Variants in ATP2C2 observed in about 807,000 individuals in gnomAD.
The protein encoded by ATP2C2 is calcium-transporting ATPase type 2C member 2.
In ATP2C2, 171 loss-of-function variants were observed where a neutral mutation model predicts 110.8. That is an observed-to-expected ratio of 1.54 (90% CI 1.36 to 1.75). The LOEUF (loss-of-function observed/expected upper bound fraction) is 1.75. Among genes scored for constraint, ATP2C2 ranks in the 40% most tolerant of loss-of-function variants. The pLI is 0.00. For missense variants in ATP2C2, 1,963 were observed against 1,235.0 expected, an observed-to-expected ratio of 1.59 and a Z score of -8.84; for synonymous variants, 804 against 508.4, an observed-to-expected ratio of 1.58 and a Z score of -7.82.
At chr16:84,389,565 C>T (rs1412409929) in intron 1 of ATP2C2, among the ~76,000 whole-genome samples, 1 of 152,178 alleles carries the variant, frequency 6.6e-6, no homozygotes, top group East Asian at 1.9e-4. Flanking sequence ...TCTGTATTTT[C>T]GTTTCTTAAA....
At chr16:84,399,804 A>G (rs892205659) in intron 2 of ATP2C2, among the ~76,000 whole-genome samples, 2 of 152,172 alleles carry the variant, frequency 1.3e-5, no homozygotes, top group African/African-American at 2.4e-5. Flanking sequence ...AAAATGTACA[A>G]TTAAATTATT....
intron 1 of ATP2C2, among the ~76,000 whole-genome samples, chr16:84,380,476 T>A (rs1215757075): frequency 6.6e-6 from 1 of 152,204 alleles, no homozygotes; most frequent in Non-Finnish European, 1.5e-5. Context: ...ACTTTATGGA[T>A]CCTATTTTCC....
At chr16:84,420,422 C>T (rs916257195) in intron 7 of ATP2C2, among the ~76,000 whole-genome samples, 11 of 151,796 alleles carry the variant, frequency 7.2e-5, no homozygotes, top group Admixed American at 1.3e-4. Flanking sequence ...TCCTTCTCTT[C>T]GTAGTTTTCT....
chr16:84,452,284 G>C lies in ATP2C2; in HGVS notation c.1831+193G>C, dbSNP rs1444774440. On this transcript the variant is annotated intron_variant, in intron 18 of 26. Coordinates refer to ENST00000262429, the MANE Select transcript of ATP2C2 (RefSeq NM_014861.4). The stretch of plus-strand genomic sequence containing the variant: ...GAGGTGTTCTCGTTTCTGAAATGTT[G>C]GCAGGTTCTGCAAAAGGGAAGTTCT... Among the ~76,000 whole-genome samples, 4 of 152,244 alleles carry C rather than the reference G, an allele frequency of 2.6e-5. No individual in the cohort carries two copies. The East Asian group carries it at 7.7e-4, about 29-fold the overall frequency.
chr16:84,428,605 G>C (rs182514995), intron 11 of ATP2C2, among the ~76,000 whole-genome samples: 2 of 152,288 alleles, frequency 1.3e-5, no homozygotes, highest in East Asian at 3.9e-4. Context: ...GCACACAGAT[G>C]TGATAAAAAT....
At chr16:84,461,055 C>T (rs35898038) in intron 24 of ATP2C2, 28,616 of 482,826 alleles carry the variant, frequency 0.059, 1,306 homozygotes, top group South Asian at 0.2. Flanking sequence ...TTTGCCGAGA[C>T]GGGAGTTGAA....
At chr16:84,437,203 T>G (rs1908821810) in intron 11 of ATP2C2, among the ~76,000 whole-genome samples, 1 of 152,152 alleles carries the variant, frequency 6.6e-6, no homozygotes, top group Non-Finnish European at 1.5e-5. Flanking sequence ...TTTTATTTTA[T>G]TTGAGACAGG....
At chr16:84,368,816 G>T in intron 1 of ATP2C2, 102 bp downstream of exon 1, 1 of 985,878 alleles carries the variant, frequency 1.0e-6, no homozygotes, top group South Asian at 1.6e-5. Flanking sequence ...TGCGATCCGC[G>T]AACTCGCCCT....
chr16:84,458,988 A>C (rs924611589), intron 21 of ATP2C2, 132 bp from the exon 22 acceptor site: 1 of 958,934 alleles, frequency 1.0e-6, no homozygotes, highest in Non-Finnish European at 1.6e-6. Context: ...GAATGCCAGC[A>C]AGGGGAACCA....
At chr16:84,370,597 T>A (rs1168987777) in intron 1 of ATP2C2, among the ~76,000 whole-genome samples, 1 of 152,036 alleles carries the variant, frequency 6.6e-6, no homozygotes, top group Non-Finnish European at 1.5e-5. Context: ...TGTCCTCTCG[T>A]TGGAACTCCT....
At chr16:84,393,126 G>C (rs1008459696) in intron 1 of ATP2C2, among the ~76,000 whole-genome samples, 4 of 152,190 alleles carry the variant, frequency 2.6e-5, no homozygotes, top group Non-Finnish European at 2.9e-5. Context: ...GTTTGGGGTT[G>C]GGTAGAGGGA....
chr16:84,441,968 TAAAAA>T (rs936191465), intron 14 of ATP2C2, among the ~76,000 whole-genome samples: 2 of 147,216 alleles, frequency 1.4e-5, no homozygotes, highest in African/African-American at 2.6e-5. Context: ...CTAGTAATAA[TAAAAA>T]AGAAAAGAAA....
chr16:84,418,723 C>T (rs1479248700), intron 7 of ATP2C2, among the ~76,000 whole-genome samples: 1 of 152,200 alleles, frequency 6.6e-6, no homozygotes, highest in Non-Finnish European at 1.5e-5. Flanking sequence ...CCAGGACGTT[C>T]TCTCTCTCCC....
chr16:84,439,086 C>T, intron 11 of ATP2C2, 80 bp from the exon 12 acceptor site: 2 of 1,577,488 alleles, frequency 1.3e-6, no homozygotes, highest in South Asian at 1.1e-5. Flanking sequence ...CTTCACCAGC[C>T]AAAAGCATTG....
At chr16:84,443,776 C>G (rs1377440328) in intron 15 of ATP2C2, among the ~76,000 whole-genome samples, 2 of 152,190 alleles carry the variant, frequency 1.3e-5, no homozygotes, top group African/African-American at 2.4e-5. Flanking sequence ...CCTCCCACAC[C>G]ACTGCCTTCC....
In ATP2C2 at chr16:84,408,412, A is replaced by G. The variant is rs757686068; in HGVS notation, c.335A>G (p.Asn112Ser). 1.9e-5 allele frequency: 30 copies of G among 1,612,782 alleles called. No individual in the cohort carries two copies. Among genetic ancestry groups the G allele is most frequent in the Non-Finnish European group, 2.5e-5 (30 of 1,179,784 alleles). ...VWKKYLDQFKNPLILLLLGSA... is the reference protein window; with the variant it reads ...VWKKYLDQFKSPLILLLLGSA... ...CTGTTATTTCCTCTTCAGTTTAAGAACCCCCTGATCCTGCTGCTGCTGGGC... is the reference window on the plus strand; with the variant it reads ...CTGTTATTTCCTCTTCAGTTTAAGAGCCCCCTGATCCTGCTGCTGCTGGGC... Residue 112 changes from asparagine to serine, a missense_variant, in exon 4 of 27, where the codon AAC (asparagine) becomes AGC (serine). Physicochemically the swap from Asn to Ser is conservative, Grantham distance 46 (BLOSUM62 1). Transcript: ENST00000262429.
Position 84,430,246 on chromosome 16 carries a change from C to T in ATP2C2, c.986+4445C>T, listed in dbSNP as rs887622064. Among the ~76,000 whole-genome samples, 5 of 152,234 alleles carry T rather than the reference C, an allele frequency of 3.3e-5. No individual in the cohort carries two copies. In the East Asian group the frequency reaches 7.7e-4, roughly 24 times the overall value. ...GAAGGGGGTGGATGGACAACAAGCT[C>T]GTTGAAGGAGATGAGGACAAGGAGG... On this transcript the variant is annotated intron_variant, in intron 11 of 26. Coordinates refer to ENST00000262429, the MANE Select transcript of ATP2C2 (RefSeq NM_014861.4).
chr16:84,456,362 T>C (rs899556879), intron 21 of ATP2C2, among the ~76,000 whole-genome samples: 15 of 152,018 alleles, frequency 9.9e-5, no homozygotes, highest in African/African-American at 3.6e-4. Flanking sequence ...CTTGGGAGAG[T>C]GTATGTGTCC....
intron 1 of ATP2C2, among the ~76,000 whole-genome samples, chr16:84,391,529 G>GGT (rs1355216249): frequency 6.6e-6 from 1 of 152,206 alleles, no homozygotes; most frequent in East Asian, 1.9e-4. Context: ...CAATGACTGG[G>GGT]GTCTTTATAA....
Sources: gnomAD v4.1 joint callset for allele counts (sites outside exome capture counted in the v4.1 genomes callset) on GRCh38, gnomAD v4.1.1 for gene constraint, MANE v1.5 for transcripts, NCBI Gene and HGNC (gene_info 2026-07-23, HGNC 2026-07-21) for gene names.